NAV3: variants seen among roughly 807,000 people sequenced by gnomAD.
NAV3 encodes the protein neuron navigator 3, also known as pore membrane and/or filament interacting like protein 1.
NAV3 carries 87 observed loss-of-function variants against 244.7 expected under a neutral mutation model. The ratio of observed to expected loss-of-function variants is 0.36; its 90% CI spans 0.30 to 0.42. NAV3 has a LOEUF of 0.42. Among genes scored for constraint, NAV3 ranks in the 20% least tolerant of loss-of-function variants. The pLI, the probability that NAV3 is intolerant of heterozygous loss-of-function variation, is 1.00. For synonymous variants in NAV3, 1,126 were observed against 1,042.2 expected (o/e 1.08, Z -1.55); for missense variants, 2,663 against 2,893.3 (o/e 0.92, Z 1.83).
intron 2 of NAV3, among the ~76,000 whole-genome samples, chr12:77,662,231 A>ATCTG (rs1299710126): frequency 1.3e-5 from 2 of 151,052 alleles, no homozygotes; most frequent in Admixed American, 6.6e-5. Context: ...CTATCTGTCT[A>ATCTG]TCTATCTATC....
intron 11 of NAV3, chr12:78,052,254 T>G (rs1882863062): frequency 6.6e-6 from 1 of 152,190 alleles, no homozygotes; most frequent in African/African-American, 2.4e-5. Flanking sequence ...TTTGATTACA[T>G]TTATAGCTTT....
intron 2 of NAV3, among the ~76,000 whole-genome samples, chr12:77,663,862 G>A (rs1214984032): frequency 6.6e-6 from 1 of 152,144 alleles, no homozygotes; most frequent in East Asian, 1.9e-4. Context: ...GCCAATATAT[G>A]TGTCTGTATA....
At chr12:78,172,124 G>A (rs1958026050) in intron 24 of NAV3, among the ~76,000 whole-genome samples, 1 of 151,562 alleles carries the variant, frequency 6.6e-6, no homozygotes, top group South Asian at 2.1e-4. Flanking sequence ...GAAAGTTGAA[G>A]GTAATAGAAA....
At chr12:78,199,146 A>G (rs950373008) in intron 36 of NAV3, 189 bp from the exon 37 acceptor site, 4 of 667,338 alleles carry the variant, frequency 6.0e-6, no homozygotes, top group Non-Finnish European at 1.1e-5. Context: ...AGTTAGCTAC[A>G]TTATAGCTCT....
chr12:77,794,489 T>C (rs1375527321), intron 2 of NAV3, among the ~76,000 whole-genome samples: 1 of 152,228 alleles, frequency 6.6e-6, no homozygotes, highest in African/African-American at 2.4e-5. Context: ...CAGTTATGTA[T>C]CTAAATTCAT....
chr12:78,050,556 G>A (rs1189182145), intron 10 of NAV3, among the ~76,000 whole-genome samples: 1 of 152,058 alleles, frequency 6.6e-6, no homozygotes, highest in African/African-American at 2.4e-5. Flanking sequence ...GTGTACTGAT[G>A]GCCTTTCTTT....
intron 3 of NAV3, among the ~76,000 whole-genome samples, chr12:77,945,974 G>A (rs539875253): frequency 6.6e-6 from 1 of 151,122 alleles, no homozygotes; most frequent in South Asian, 2.1e-4. Flanking sequence ...GGCCAGGCTG[G>A]TTTTGAACTC....
intron 1 of NAV3, among the ~76,000 whole-genome samples, chr12:77,938,848 C>G (rs1053134147): frequency 6.6e-6 from 1 of 150,860 alleles, no homozygotes; most frequent in African/African-American, 2.4e-5. Flanking sequence ...CTTAGAAAAG[C>G]TGTTAAAATA....
intron 3 of NAV3, among the ~76,000 whole-genome samples, chr12:77,955,472 T>C (rs943118642): frequency 3.9e-5 from 6 of 152,180 alleles, no homozygotes; most frequent in African/African-American, 1.4e-4. Context: ...TAAATTGGTA[T>C]AGTAATGACA....
intron 12 of NAV3, among the ~76,000 whole-genome samples, chr12:78,101,512 A>G (rs1954535965): frequency 6.6e-6 from 1 of 152,186 alleles, no homozygotes; most frequent in African/African-American, 2.4e-5. Flanking sequence ...GGTATTTAAC[A>G]TAAAATCATT....
intron 1 of NAV3, among the ~76,000 whole-genome samples, chr12:77,832,619 T>C (rs1873913217): frequency 6.6e-6 from 1 of 152,214 alleles, no homozygotes; most frequent in Admixed American, 6.5e-5. Flanking sequence ...ATTTATCATG[T>C]CTTTGTGTTG....
intron 3 of NAV3, 108 bp from the exon 4 acceptor site, chr12:77,966,121 G>A (rs1311274728): frequency 2.1e-6 from 2 of 942,192 alleles, no homozygotes; most frequent in East Asian, 4.8e-5. Context: ...AGTATGAAAT[G>A]AATGTAAACT....
chr12:77,778,456 C>G (rs971688434), intron 2 of NAV3, among the ~76,000 whole-genome samples: 2 of 151,028 alleles, frequency 1.3e-5, no homozygotes, highest in African/African-American at 4.9e-5. Flanking sequence ...ACTAAAAATA[C>G]AAAAAATTAG....
chr12:77,992,526 A>G (rs1871628203), intron 5 of NAV3, among the ~76,000 whole-genome samples: 1 of 152,180 alleles, frequency 6.6e-6, no homozygotes, highest in Non-Finnish European at 1.5e-5. Flanking sequence ...GGAGAATAAA[A>G]GAAGGAGAAT....
intron 9 of NAV3, 133 bp downstream of exon 9, chr12:78,021,995 A>C: frequency 2.4e-6 from 1 of 418,728 alleles, no homozygotes; most frequent in Non-Finnish European, 4.3e-6. Flanking sequence ...CATGCTTCAA[A>C]GATCATTAAC....
intron 1 of NAV3, 132 bp downstream of exon 1, chr12:77,831,836 G>T (rs1003708666): frequency 2.2e-5 from 21 of 959,350 alleles, no homozygotes; most frequent in Non-Finnish European, 2.9e-5. Flanking sequence ...AGTTATAATG[G>T]CTGAAAAGCT....
At chr12:78,057,994 T>A (rs1414156303) in intron 11 of NAV3, among the ~76,000 whole-genome samples, 1 of 152,232 alleles carries the variant, frequency 6.6e-6, no homozygotes, top group African/African-American at 2.4e-5. Context: ...TAAGGGGCAT[T>A]TTTAAATGTT....
At chr12:77,588,294 T>A (rs1565726713) in intron 2 of NAV3, among the ~76,000 whole-genome samples, 1 of 151,756 alleles carries the variant, frequency 6.6e-6, no homozygotes. Context: ...TTTTATTTTT[T>A]TTTTGGTAGA....
chr12:78,091,589 G>A (rs551529802), intron 12 of NAV3: 3 of 151,926 alleles, frequency 2.0e-5, no homozygotes, highest in Admixed American at 6.5e-5. Flanking sequence ...GAGGTCAGGA[G>A]ATCGAGACCA....
Sources: gnomAD v4.1 joint callset for allele counts (sites outside exome capture counted in the v4.1 genomes callset) on GRCh38, gnomAD v4.1.1 for gene constraint, MANE v1.5 for transcripts, NCBI Gene and HGNC (gene_info 2026-07-23, HGNC 2026-07-21) for gene names.